The following ITGB6 variants were observed in gnomAD, a reference collection of about 807,000 sequenced individuals.
ITGB6 encodes the protein integrin subunit beta 6, also known as integrin beta-6.
Under a neutral mutation model 84.5 loss-of-function variants are expected in ITGB6, and 80 were observed. The ratio of observed to expected loss-of-function variants is 0.95; its 90% CI spans 0.79 to 1.14. The LOEUF (loss-of-function observed/expected upper bound fraction) is 1.14. ITGB6 is among the 50% of genes most tolerant of loss of function. ITGB6 has a pLI of 0.00. For synonymous variants in ITGB6, 383 were observed against 354.9 expected (o/e 1.08, Z -0.89); for missense variants, 1,006 against 968.0 (o/e 1.04, Z -0.52).
chr2:160,133,893 C>T (rs933739240), intron 10 of ITGB6, among the ~76,000 whole-genome samples: 1 of 152,040 alleles, frequency 6.6e-6, no homozygotes, highest in Non-Finnish European at 1.5e-5. Flanking sequence ...ATCTCTGGGA[C>T]ACATTCAAAG....
rs61737769 is a variant in ITGB6 at position 160,174,016 on chromosome 2, G to A, written c.717C>T (p.Pro239=). 1.1e-4 allele frequency: 179 copies of A among 1,613,440 alleles called. No homozygotes were observed. The highest frequency in any genetic ancestry group is 2.0e-4 in the Admixed American group (12 of 59,830). The change falls in exon 5 of 15, where the codon CCC becomes CCT. Residue 239 remains proline, a synonymous_variant. Transcript: ENST00000283249. The stretch of plus-strand genomic sequence containing the variant: ...GCATAATTGCATCAAATCCACCTTC[G>A]GGTGTGTCAATATTAGCAGAAATTT... ...NQKISANIDT[P]EGGFDAIMQA... is the part of the protein sequence containing the mutation.
chr2:160,193,112 C>G (rs1053494687), intron 4 of ITGB6, among the ~76,000 whole-genome samples: 4 of 152,112 alleles, frequency 2.6e-5, no homozygotes, highest in African/African-American at 9.7e-5. Context: ...CCATACAGTT[C>G]AGCAACTCCA....
chr2:160,103,955 A>G lies in ITGB6; in HGVS notation c.2269-2121T>C, dbSNP rs538254089. ...ATATCCCACACTTAATATAACTGAT[A>G]TGCATTATAGAGGAGGTGACTTGAA... On this transcript the variant is annotated intron_variant, in intron 14 of 14. Transcript: ENST00000283249. Among the ~76,000 whole-genome samples, 31 of 152,318 alleles carry G rather than the reference A, an allele frequency of 2.0e-4. 1 individual carries two copies. Among genetic ancestry groups the G allele is most frequent in the Middle Eastern group, 3.4e-3 (1 of 294 alleles).
intron 4 of ITGB6, among the ~76,000 whole-genome samples, chr2:160,179,961 AAAT>A (rs1443294460): frequency 1.3e-5 from 2 of 149,642 alleles, no homozygotes; most frequent in Non-Finnish European, 1.5e-5. Flanking sequence ...AAAAAAAAAA[AAAT>A]CATCTGGGCA....
At chr2:160,107,047 C>T (rs1696935274) in intron 14 of ITGB6, among the ~76,000 whole-genome samples, 2 of 152,208 alleles carry the variant, frequency 1.3e-5, no homozygotes, top group South Asian at 4.2e-4. Context: ...TATAGTCCTG[C>T]CTTCTGATTG....
chr2:160,140,622 A>C (rs1683963357), intron 8 of ITGB6, among the ~76,000 whole-genome samples: 1 of 152,198 alleles, frequency 6.6e-6, no homozygotes, highest in African/African-American at 2.4e-5. Flanking sequence ...GAGAGGGAGG[A>C]AGGTTTTTAT....
At position 160,133,559 on chromosome 2, in the gene ITGB6, T is replaced by C. The variant is rs975728401; in HGVS notation, c.1660+3875A>G. ...TCAGCTCTGCACCAAGCAGACCTAATAGACATCTACAGAACTCTCCACCCC... is the reference window on the plus strand; with the variant it reads ...TCAGCTCTGCACCAAGCAGACCTAACAGACATCTACAGAACTCTCCACCCC... On this transcript the variant is annotated intron_variant, in intron 10 of 14. Transcript: ENST00000283249. 3.9e-5 allele frequency among the ~76,000 whole-genome samples: 6 copies of C among 152,180 alleles called. No homozygotes were observed. In the East Asian group the frequency reaches 7.7e-4, roughly 20 times the overall value.
At chr2:160,145,526 A>G (rs920450079) in intron 7 of ITGB6, among the ~76,000 whole-genome samples, 1 of 152,228 alleles carries the variant, frequency 6.6e-6, no homozygotes, top group Non-Finnish European at 1.5e-5. Context: ...TTTGTGGAAG[A>G]GAAAGCATAA....
intron 5 of ITGB6, 86 bp from the exon 6 acceptor site, chr2:160,172,816 G>T: frequency 9.7e-7 from 1 of 1,034,476 alleles, no homozygotes; most frequent in Non-Finnish European, 1.4e-6. Flanking sequence ...GACACATTTA[G>T]GTTATAAAAA....
At chr2:160,174,589 C>T (rs1685341546) in intron 4 of ITGB6, among the ~76,000 whole-genome samples, 1 of 152,182 alleles carries the variant, frequency 6.6e-6, no homozygotes, top group Non-Finnish European at 1.5e-5. Flanking sequence ...CCCTCCTGTA[C>T]TCCCAGGTCT....
At position 160,101,487 on chromosome 2, in the gene ITGB6, C is replaced by A; in HGVS notation, c.*249G>T. 2 of 390,474 alleles carry A rather than the reference C, an allele frequency of 5.1e-6. No homozygotes were observed. Among genetic ancestry groups the A allele is most frequent in the Non-Finnish European group, 9.1e-6 (2 of 218,926 alleles). 24.2% of individuals were successfully genotyped at this position (390,474 alleles called of 1,614,324 possible). On this transcript the variant is annotated 3_prime_UTR_variant, in exon 15 of 15. Coordinates refer to ENST00000283249, the MANE Select transcript of ITGB6 (RefSeq NM_000888.5). ...TGAATCATTTGATGATTTTTTGAAG[C>A]ATTAATGCAACAGAGTTAGTATTCC... is the stretch of plus-strand genomic sequence containing the variant.
chr2:160,128,434 G>T (rs1361609834), intron 10 of ITGB6, among the ~76,000 whole-genome samples: 2 of 152,158 alleles, frequency 1.3e-5, no homozygotes, highest in Non-Finnish European at 2.9e-5. Context: ...ATCAGACCAT[G>T]AAAAGCCTTA....
chr2:160,154,342 C>A (rs185413308), intron 7 of ITGB6, among the ~76,000 whole-genome samples: 28 of 149,984 alleles, frequency 1.9e-4, no homozygotes, highest in Admixed American at 1.7e-3. Context: ...GACAGAAAAC[C>A]AAACACTGAA....
At chr2:160,193,582 A>G (rs1406998147) in intron 4 of ITGB6, among the ~76,000 whole-genome samples, 5 of 152,240 alleles carry the variant, frequency 3.3e-5, no homozygotes, top group African/African-American at 9.6e-5. Context: ...GAAACTGAAC[A>G]TTTTTGATCT....
intron 12 of ITGB6, among the ~76,000 whole-genome samples, chr2:160,112,768 A>G (rs960079324): frequency 6.6e-6 from 1 of 152,048 alleles, no homozygotes; most frequent in Admixed American, 6.5e-5. Flanking sequence ...CAGTTTGTCT[A>G]TCATTCAGTA....
chr2:160,103,255 G>C (rs920638148), intron 14 of ITGB6, among the ~76,000 whole-genome samples: 1 of 152,106 alleles, frequency 6.6e-6, no homozygotes, highest in African/African-American at 2.4e-5. Flanking sequence ...AATAAAATCG[G>C]AAACACTCCC....
At chr2:160,151,958 G>A (rs534978147) in intron 7 of ITGB6, among the ~76,000 whole-genome samples, 91 of 152,224 alleles carry the variant, frequency 6.0e-4, no homozygotes, top group Middle Eastern at 3.4e-3. Flanking sequence ...ATAATTAATA[G>A]CATATCAACC....
intron 7 of ITGB6, among the ~76,000 whole-genome samples, chr2:160,148,302 A>C (rs76754494): frequency 3.3e-5 from 5 of 152,326 alleles, no homozygotes; most frequent in African/African-American, 4.8e-5. Flanking sequence ...AACACTAACA[A>C]CACCAAATGC....
At position 160,172,678 on chromosome 2, in the gene ITGB6, T is replaced by G. The variant is rs747875880; in HGVS notation, c.812A>C (p.Asp271Ala). The change falls in exon 6 of 15, where the codon GAT (aspartate) becomes GCT (alanine). Residue 271 changes from aspartate (D) to alanine (A), a missense_variant. Transcript: ENST00000283249. ...DSLHLLVFVS[D>A]ADSHFGMDSK... ...GTCCATTCCAAAATGAGAATCAGCA[T>G]CACTCACAAAGACCAGGAGGTGGAG... 1.2e-6 allele frequency: 2 copies of G among 1,610,514 alleles called. No homozygotes were observed. The highest frequency in any genetic ancestry group is 1.7e-6 in the Non-Finnish European group (2 of 1,176,874).
Sources: allele counts gnomAD v4.1 joint callset (sites outside exome capture counted in the v4.1 genomes callset), GRCh38; gene constraint gnomAD v4.1.1; transcripts MANE v1.5; gene names NCBI Gene and HGNC (gene_info 2026-07-23, HGNC 2026-07-21).